The following LMF1 variants were observed in gnomAD, a reference collection of about 807,000 sequenced individuals.
LMF1 encodes lipase maturation factor 1.
LMF1 carries 68 observed loss-of-function variants against 60.6 expected under a neutral mutation model. The observed-to-expected ratio is 1.12, with a 90% CI of 0.92 to 1.37. The LOEUF (loss-of-function observed/expected upper bound fraction) is 1.37. LMF1 is among the 40% of genes most tolerant of loss of function. LMF1 has a pLI of 0.00. For missense variants in LMF1, 948 were observed against 767.2 expected (o/e 1.24, Z -2.78); for synonymous variants, 418 against 324.7 (o/e 1.29, Z -3.09).
chr16:937,961 A>G (rs948365180), intron 2 of LMF1, among the ~76,000 whole-genome samples: 1 of 152,110 alleles, frequency 6.6e-6, no homozygotes, highest in Admixed American at 6.5e-5. Context: ...TTGTGTCTGC[A>G]GCTGATCCCA....
At chr16:867,396 C>T (rs2069639550) in intron 10 of LMF1, among the ~76,000 whole-genome samples, 1 of 152,206 alleles carries the variant, frequency 6.6e-6, no homozygotes, top group African/African-American at 2.4e-5. Flanking sequence ...GATGGCAAAC[C>T]TTCCTCTGGG....
intron 6 of LMF1, chr16:873,237 T>G (rs2151704709): frequency 6.6e-6 from 1 of 152,480 alleles, no homozygotes; most frequent in African/African-American, 2.4e-5. Context: ...CCTTCCTTGT[T>G]TTTCTTCTAG....
At chr16:860,810 T>G (rs1399353465) in intron 10 of LMF1, among the ~76,000 whole-genome samples, 1 of 152,192 alleles carries the variant, frequency 6.6e-6, no homozygotes, top group African/African-American at 2.4e-5. Flanking sequence ...CTTTGTGGGT[T>G]CTCTGTTGTG....
At chr16:959,390 C>A (rs893021480) in intron 1 of LMF1, among the ~76,000 whole-genome samples, 2 of 152,126 alleles carry the variant, frequency 1.3e-5, no homozygotes, top group African/African-American at 2.4e-5. Context: ...GGGAGACAGA[C>A]CCGGGCGTGC....
At chr16:931,392 C>A (rs911053488) in intron 3 of LMF1, among the ~76,000 whole-genome samples, 4 of 152,040 alleles carry the variant, frequency 2.6e-5, no homozygotes, top group African/African-American at 9.7e-5. Flanking sequence ...CGACCCCGTG[C>A]CCCGCCCTGA....
rs577231420 is a variant in LMF1 at position 878,706 on chromosome 16, G to A, written c.897+864C>T. ...CTGACGGAGCTTTGCCCCTCTAGGC[G>A]GCGGTGCTCTGGCAGGGGTGGGCAG... On this transcript the variant is annotated intron_variant, in intron 6 of 10. Transcript: ENST00000262301. The surrounding 1 kb of genome is among the most constrained non-coding windows in gnomAD (Gnocchi z 5.2). Among the ~76,000 whole-genome samples the A allele has an allele frequency of 2.0e-5, 3 of 151,706 alleles. No individual in the cohort carries two copies. Among genetic ancestry groups the A allele is most frequent in the East Asian group, 3.9e-4 (2 of 5,138 alleles).
chr16:966,419 C>T (rs1270317469), intron 1 of LMF1, among the ~76,000 whole-genome samples: 1 of 152,216 alleles, frequency 6.6e-6, no homozygotes, highest in African/African-American at 2.4e-5. Context: ...GACCGACAGA[C>T]GAAATCCCTC....
intron 6 of LMF1, among the ~76,000 whole-genome samples, chr16:876,654 C>G (rs1240469381): frequency 2.6e-5 from 4 of 151,552 alleles, no homozygotes; most frequent in African/African-American, 4.9e-5. Flanking sequence ...AACACTGGAG[C>G]AAAGGACGCA....
At chr16:895,155 C>T (rs1383402825) in intron 4 of LMF1, among the ~76,000 whole-genome samples, 4 of 152,122 alleles carry the variant, frequency 2.6e-5, no homozygotes, top group African/African-American at 4.8e-5. Flanking sequence ...GCGGGGGGTG[C>T]GGCCTGAGGC....
chr16:913,981 G>A (rs1289910007), intron 3 of LMF1, among the ~76,000 whole-genome samples: 1 of 152,248 alleles, frequency 6.6e-6, no homozygotes, highest in African/African-American at 2.4e-5. Flanking sequence ...AGACAATGGC[G>A]AATGCCACAT....
exon 1 of LMF1, chr16:981,167 C>T (rs1295514355): frequency 2.0e-5 from 9 of 454,262 alleles, no homozygotes; most frequent in East Asian, 1.4e-4. Context: ...TGTCCGCAGA[C>T]TCTGGACGAG....
intron 10 of LMF1, among the ~76,000 whole-genome samples, chr16:856,251 G>A (rs1207943743): frequency 6.6e-6 from 1 of 152,070 alleles, no homozygotes; most frequent in African/African-American, 2.4e-5. Flanking sequence ...GTTTTCCTTG[G>A]CTATAAGGAC....
At chr16:906,833 G>C (rs1429681049) in intron 4 of LMF1, among the ~76,000 whole-genome samples, 1 of 152,062 alleles carries the variant, frequency 6.6e-6, no homozygotes, top group Non-Finnish European at 1.5e-5. Context: ...ATCTGTTTCT[G>C]GAAAAAACAA....
At chr16:921,661 C>A (rs1031853151) in intron 3 of LMF1, among the ~76,000 whole-genome samples, 1 of 152,086 alleles carries the variant, frequency 6.6e-6, no homozygotes, top group Non-Finnish European at 1.5e-5. Flanking sequence ...ACGCAGTGTG[C>A]GGTGAGTTCC....
At chr16:917,852 C>T (rs1177359386) in intron 3 of LMF1, among the ~76,000 whole-genome samples, 5 of 152,246 alleles carry the variant, frequency 3.3e-5, no homozygotes, top group Admixed American at 2.6e-4. Context: ...CTGCAGCTCC[C>T]TGGCCTGTGG....
intron 2 of LMF1, 163 bp downstream of exon 2, chr16:954,194 G>A (rs551074018): frequency 1.8e-5 from 14 of 769,454 alleles, no homozygotes; most frequent in South Asian, 5.9e-5. Context: ...GCTGTGGCTG[G>A]TGCACTGGCC....
At chr16:915,436 T>C (rs2071253732) in intron 3 of LMF1, among the ~76,000 whole-genome samples, 1 of 152,138 alleles carries the variant, frequency 6.6e-6, no homozygotes, top group African/African-American at 2.4e-5. Context: ...TCACCTTTCT[T>C]TTCTATTTAT....
Position 854,361 on chromosome 16 carries a change from A to G in LMF1, c.*171T>C. Reference sequence around the variant, plus strand: ...AGGTGGGCAGGGCCTGGGAGCCGCCACAGTATGTGACAACAGACCCCACCC... The same window carrying G: ...AGGTGGGCAGGGCCTGGGAGCCGCCGCAGTATGTGACAACAGACCCCACCC... On this transcript the variant is annotated 3_prime_UTR_variant, in exon 11 of 11. Coordinates refer to ENST00000262301, the MANE Select transcript of LMF1 (RefSeq NM_022773.4). The G allele has an allele frequency of 1.3e-6, 1 of 777,696 alleles. No individual in the cohort carries two copies. Among genetic ancestry groups the G allele is most frequent in the Non-Finnish European group, 2.2e-6 (1 of 459,328 alleles). 48.2% of individuals were successfully genotyped at this position (777,696 alleles called of 1,614,324 possible). A position where few individuals can be genotyped will look rare whatever the true frequency, so the allele number is the denominator to read the frequency against.
At chr16:968,033 A>G (rs2151494242) in intron 1 of LMF1, among the ~76,000 whole-genome samples, 1 of 152,352 alleles carries the variant, frequency 6.6e-6, no homozygotes, top group African/African-American at 2.4e-5. Context: ...CTCCCACAGC[A>G]CAGCAGGGCA....
Sources: allele counts gnomAD v4.1 joint callset (sites outside exome capture counted in the v4.1 genomes callset), GRCh38; gene constraint gnomAD v4.1.1; non-coding constraint Gnocchi (gnomAD v3.1); transcripts MANE v1.5; gene names NCBI Gene and HGNC (gene_info 2026-07-23, HGNC 2026-07-21).